C11orf58: variants seen among roughly 807,000 people sequenced by gnomAD.
C11orf58 encodes chromosome 11 open reading frame 58.
Under a neutral mutation model 22.7 loss-of-function variants are expected in C11orf58, and 5 were observed. That is an observed-to-expected ratio of 0.22 (90% confidence interval 0.12 to 0.46). The LOEUF is 0.46. Among genes scored for constraint, C11orf58 ranks in the 20% least tolerant of loss-of-function variants. The pLI is 0.99. For missense variants in C11orf58, 151 were observed against 223.3 expected (o/e 0.68, Z 2.06); for synonymous variants, 71 against 70.7 (o/e 1.00, Z -0.02).
rs1276319570 is a variant in C11orf58, at chr11:16,738,904, A to G, written c.63+63A>G. On this transcript the variant is annotated intron_variant, in intron 1 of 4. Coordinates refer to ENST00000228136, the MANE Select transcript of C11orf58 (RefSeq NM_014267.6). ...TACTAAAGCCTGGAGTAGGCCGGGA[A>G]GGGTGGTTGGAGGAGGACGCGCCTG... 21 of 1,597,258 alleles carry G rather than the reference A, an allele frequency of 1.3e-5. No homozygotes were observed. In the East Asian group the frequency reaches 4.5e-4, roughly 34 times the overall value.
chr11:16,755,890 A>G lies in C11orf58; in HGVS notation c.*786A>G, dbSNP rs1848573238. The stretch of plus-strand genomic sequence containing the variant: ...AGGTCTAAATAAAGAGCAGTTTCCC[A>G]TATTTGGCTGTGATACCTTTATCCT... On this transcript the variant is annotated 3_prime_UTR_variant, in exon 5 of 5. Transcript: ENST00000228136. 1 of 152,582 alleles carries G rather than the reference A, an allele frequency of 6.6e-6. No individual in the cohort carries two copies. Among genetic ancestry groups the G allele is most frequent in the African/African-American group, 2.4e-5 (1 of 41,414 alleles). The allele number at this position is 152,582 out of a possible 1,614,324, so 9.5% of individuals were successfully genotyped here.
Position 16,755,523 on chromosome 11 carries a change from T to C in C11orf58, c.*419T>C, listed in dbSNP as rs1042356402. ...TTTGTTATAGTAGAGCTGTTCATTA[T>C]GGATATTTCTGCTGCCAGTCACAAT... On this transcript the variant is annotated 3_prime_UTR_variant, in exon 5 of 5. Coordinates refer to ENST00000228136, the MANE Select transcript of C11orf58 (RefSeq NM_014267.6). 6.5e-6 allele frequency: 1 copy of C among 154,148 alleles called. No homozygotes were observed. Among genetic ancestry groups the C allele is most frequent in the African/African-American group, 2.4e-5 (1 of 41,484 alleles). 9.5% of individuals were successfully genotyped at this position (154,148 alleles called of 1,614,324 possible). A position where few individuals can be genotyped will look rare whatever the true frequency, so the allele number is the denominator to read the frequency against.
In C11orf58 at chr11:16,757,089, G is replaced by A. The variant is rs1848585720; in HGVS notation, c.*1985G>A. Among the ~76,000 whole-genome samples the A allele has an allele frequency of 6.6e-6, 1 of 150,896 alleles. No individual in the cohort carries two copies. Among genetic ancestry groups the A allele is most frequent in the Non-Finnish European group, 1.5e-5 (1 of 67,770 alleles). On this transcript the variant is annotated 3_prime_UTR_variant, in exon 5 of 5. Transcript: ENST00000228136. ...TGAAAAATAGATGCTATCCTCTATAGTAAAATATTGAATCACTTTATAGTA... is the reference window on the plus strand; with the variant it reads ...TGAAAAATAGATGCTATCCTCTATAATAAAATATTGAATCACTTTATAGTA...
intron 2 of C11orf58, among the ~76,000 whole-genome samples, chr11:16,746,296 A>G (rs1448753635): frequency 1.3e-5 from 2 of 152,216 alleles, no homozygotes; most frequent in Non-Finnish European, 2.9e-5. Flanking sequence ...AGATTTCCCA[A>G]TTTGTAATTT....
chr11:16,739,241 T>G (rs750267178), intron 1 of C11orf58, among the ~76,000 whole-genome samples: 29 of 152,170 alleles, frequency 1.9e-4, no homozygotes, highest in Non-Finnish European at 3.4e-4. Flanking sequence ...GTCGAAATGT[T>G]CGTGCACGTT....
At position 16,755,052 on chromosome 11, in the gene C11orf58, A is replaced by G. The variant is rs1564885642; in HGVS notation, c.500A>G (p.Lys167Arg). Residue 167 changes from lysine (K) to arginine (R), a missense_variant, in exon 5 of 5, where the codon AAA (lysine) becomes AGA (arginine). Lys to Arg is a conservative substitution (Grantham distance 26, BLOSUM62 2). Coordinates refer to ENST00000228136, the MANE Select transcript of C11orf58 (RefSeq NM_014267.6). Reference protein sequence around the residue: ...PDEVEDPKNKKDAKSNYKMMF... With the variant: ...PDEVEDPKNKRDAKSNYKMMF... ...GAAGTGGAGGATCCCAAAAACAAAA[A>G]AGATGCAAAAAGCAATTATAAAATG... is the stretch of plus-strand genomic sequence containing the variant. 2 of 1,614,076 alleles carry G rather than the reference A, an allele frequency of 1.2e-6. No homozygotes were observed. The highest frequency in any genetic ancestry group is 3.3e-5 in the Admixed American group (2 of 60,010).
Position 16,754,971 on chromosome 11 carries a change from C to T in C11orf58, c.419C>T (p.Ser140Leu). 1 of 1,614,098 alleles carries T rather than the reference C, an allele frequency of 6.2e-7. No individual in the cohort carries two copies. Residue 140 changes from serine to leucine, a missense_variant, in exon 5 of 5, where the codon TCA (serine) becomes TTA (leucine). By Grantham distance (145) the Ser-to-Leu change is moderately radical. This residue lies in a region of C11orf58 where 112 missense variants were observed against 162.6 expected (regional missense o/e 0.69). Transcript: ENST00000228136. Reference protein sequence around the residue: ...PESPDDSESDSESEKEESAEE... With the variant: ...PESPDDSESDLESEKEESAEE... Reference sequence around the variant, plus strand: ...AGTCCAGATGATTCTGAAAGCGATTCAGAGTCAGAGAAAGAAGAATCTGCT... The same window carrying T: ...AGTCCAGATGATTCTGAAAGCGATTTAGAGTCAGAGAAAGAAGAATCTGCT...
chr11:16,754,546 CCT>C (rs1848559227), intron 4 of C11orf58, among the ~76,000 whole-genome samples: 4 of 89,430 alleles, frequency 4.5e-5, no homozygotes, highest in Non-Finnish European at 7.4e-5. Flanking sequence ...TCTCTCTCTC[CCT>C]TTTTTTTTTT....
At chr11:16,750,369 CCA>C (rs911464876) in intron 3 of C11orf58, 3 of 152,216 alleles carry the variant, frequency 2.0e-5, no homozygotes, top group African/African-American at 7.2e-5. Flanking sequence ...TTGAAGGCCA[CCA>C]CTTCATCAAA....
At position 16,755,228 on chromosome 11, in the gene C11orf58, A is replaced by G; in HGVS notation, c.*124A>G. 3 of 1,175,610 alleles carry G rather than the reference A, an allele frequency of 2.6e-6. No homozygotes were observed. Among genetic ancestry groups the G allele is most frequent in the Non-Finnish European group, 1.2e-6 (1 of 839,912 alleles). 72.8% of individuals were successfully genotyped at this position (1,175,610 alleles called of 1,614,324 possible). On this transcript the variant is annotated 3_prime_UTR_variant, in exon 5 of 5. Transcript: ENST00000228136. ...TAAAAAGGCCCTTTTAAATAATTAC[A>G]AAGAGTGTTTGCTTTCAAATGCCAT...
intron 1 of C11orf58, among the ~76,000 whole-genome samples, chr11:16,743,942 GT>G (rs1036751375): frequency 9.9e-5 from 15 of 150,960 alleles, no homozygotes; most frequent in African/African-American, 2.9e-4. Flanking sequence ...GATAGCATGA[GT>G]TTTAGTCTGT....
chr11:16,746,838 A>G (rs1465954567), intron 2 of C11orf58: 1 of 152,096 alleles, frequency 6.6e-6, no homozygotes, highest in East Asian at 1.9e-4. Context: ...TTTTTAGTAG[A>G]GTCAGGGCTT....
At position 16,756,331 on chromosome 11, in the gene C11orf58, G is replaced by GC. The variant is rs1347178609; in HGVS notation, c.*1228dup. The GC allele has an allele frequency of 6.9e-6, 1 of 145,504 alleles. No individual in the cohort carries two copies. The highest frequency in any genetic ancestry group is 2.5e-5 in the African/African-American group (1 of 39,280). 9.0% of individuals were successfully genotyped at this position (145,504 alleles called of 1,614,324 possible). On this transcript the variant is annotated 3_prime_UTR_variant, in exon 5 of 5. Coordinates refer to ENST00000228136, the MANE Select transcript of C11orf58 (RefSeq NM_014267.6). ...GTCGCCCAGGCTGGAGTGCAGTGGC[G>GC]CGATCTCAGCTAACTGCAACCTCTG...
intron 4 of C11orf58, among the ~76,000 whole-genome samples, chr11:16,753,654 T>TG (rs1181106890): frequency 6.6e-6 from 1 of 152,094 alleles, no homozygotes; most frequent in Admixed American, 6.6e-5. Flanking sequence ...TGAACCACCA[T>TG]GTCCAGCCTC....
chr11:16,754,552 T>TC (rs1378389851), intron 4 of C11orf58, among the ~76,000 whole-genome samples: 2 of 47,440 alleles, frequency 4.2e-5, no homozygotes, highest in African/African-American at 1.7e-4. Context: ...TCTCCCTTTT[T>TC]TTTTTTTTTT....
In C11orf58 at chr11:16,744,664, A is replaced by C. The variant is rs201719402; in HGVS notation, c.127A>C (p.Arg43=). The change falls in exon 2 of 5, where the codon AGA becomes CGA. Residue 43 remains arginine, a synonymous_variant. Transcript: ENST00000228136. ...TGAAGAGAGAAAACAAAAGTTCTTG[A>C]GACTTATGGGTGCAGGAAAGGTAAG... ...GNEERKQKFL[R]LMGAGKKEHT... The C allele has an allele frequency of 6.8e-6, 11 of 1,613,930 alleles. No homozygotes were observed. The highest frequency in any genetic ancestry group is 9.3e-6 in the Non-Finnish European group (11 of 1,179,902).
At chr11:16,744,533 G>A (rs1848473841) in intron 1 of C11orf58, 68 bp from the exon 2 acceptor site, 1 of 1,276,932 alleles carries the variant, frequency 7.8e-7, no homozygotes, top group African/African-American at 1.5e-5. Flanking sequence ...AGAGTTACAG[G>A]TAGACTTTAG....
rs573626223 is a variant in C11orf58, at chr11:16,754,547, CTTTTTTTTTTTTTTTT to C, written c.319-301_319-286del. 9.5e-3 allele frequency among the ~76,000 whole-genome samples: 299 copies of C among 31,484 alleles called. 1 individual carries two copies. Among genetic ancestry groups the C allele is most frequent in the African/African-American group, 0.03 (274 of 9,022 alleles). 20.7% of individuals were successfully genotyped at this position (31,484 alleles called of 152,430 possible). ...TTTTAGTTTCTCTCTCTCTCTCTCC[CTTTTTTTTTTTTTTTT>C]TTTTTTTTTTTTTTTTTTTTTTAAG... On this transcript the variant is annotated intron_variant, in intron 4 of 4. Transcript: ENST00000228136.
At position 16,749,266 on chromosome 11, in the gene C11orf58, C is replaced by CTT. The variant is rs542545205; in HGVS notation, c.208+1111_208+1112dup. 6.6e-5 allele frequency: 10 copies of CTT among 152,294 alleles called. No individual in the cohort carries two copies. The South Asian group carries it at 1.0e-3, about 16-fold the overall frequency. 9.4% of individuals were successfully genotyped at this position (152,294 alleles called of 1,614,324 possible). On this transcript the variant is annotated intron_variant, in intron 3 of 4. Transcript: ENST00000228136. ...TTGACCTAGATTATGTTTAACAAAACTTTAAGTTATTTAAATTATGCTAAC... is the reference window on the plus strand; with the variant it reads ...TTGACCTAGATTATGTTTAACAAAACTTTTTAAGTTATTTAAATTATGCTAAC...
Sources: gnomAD v4.1 joint callset for allele counts (sites outside exome capture counted in the v4.1 genomes callset) on GRCh38, gnomAD v4.1.1 for gene constraint, gnomAD v4.1.1 regional missense constraint, MANE v1.5 for transcripts, NCBI Gene and HGNC (gene_info 2026-07-23, HGNC 2026-07-21) for gene names.